Variants in CHIA observed in about 807,000 individuals in gnomAD.
The protein encoded by CHIA is acidic mammalian chitinase.
CHIA carries 47 observed loss-of-function variants against 53.5 expected under a neutral mutation model. That is an observed-to-expected ratio of 0.88 (90% CI 0.70 to 1.12). CHIA has a LOEUF of 1.12. CHIA is among the 50% of genes most tolerant of loss of function. CHIA has a pLI of 0.00. For synonymous variants in CHIA, 268 were observed against 222.2 expected, an observed-to-expected ratio of 1.21 and a Z score of -1.83; for missense variants, 652 against 592.2, an observed-to-expected ratio of 1.10 and a Z score of -1.05.
intron 1 of CHIA, among the ~76,000 whole-genome samples, chr1:111,309,520 G>A (rs1648493024): frequency 6.6e-6 from 1 of 152,238 alleles, no homozygotes; most frequent in Non-Finnish European, 1.5e-5. Context: ...GAACTGCTAA[G>A]ATTGGGATAG....
intron 1 of CHIA, among the ~76,000 whole-genome samples, chr1:111,294,645 CTT>C (rs1403516994): frequency 6.6e-6 from 1 of 152,130 alleles, no homozygotes; most frequent in Non-Finnish European, 1.5e-5. Flanking sequence ...AGCTTTCAGT[CTT>C]TCACCATTGA....
intron 3 of CHIA, among the ~76,000 whole-genome samples, 177 bp downstream of exon 3, chr1:111,311,895 G>A (rs1410847830): frequency 1.3e-5 from 2 of 151,968 alleles, no homozygotes; most frequent in African/African-American, 4.8e-5. Context: ...ATTATAAACT[G>A]GTACTCACTG....
At chr1:111,317,386 T>C (rs1427307720) in intron 6 of CHIA, 1 of 303,412 alleles carries the variant, frequency 3.3e-6, no homozygotes, top group Non-Finnish European at 6.4e-6. Context: ...AGTATAGAGA[T>C]ACAATGGAGC....
At chr1:111,295,690 T>A (rs145107941) in intron 1 of CHIA, among the ~76,000 whole-genome samples, 1 of 150,954 alleles carries the variant, frequency 6.6e-6, no homozygotes, top group African/African-American at 2.4e-5. Context: ...GGTACCGGGT[T>A]CATCTCATTG....
Position 111,312,272 on chromosome 1 carries a change from C to T in CHIA, c.138C>T (p.Ile46=), listed in dbSNP as rs762447155. 9.9e-6 allele frequency: 16 copies of T among 1,613,978 alleles called. No individual in the cohort carries two copies. The highest frequency in any genetic ancestry group is 3.3e-5 in the South Asian group (3 of 91,070). The stretch of plus-strand genomic sequence containing the variant: ...TGGGGCGCTTCATGCCTGACAACAT[C>T]GACCCCTGCCTCTGTACCCACCTGA... ...PGLGRFMPDN[I]DPCLCTHLIY... The change falls in exon 4 of 12, where the codon ATC becomes ATT. Residue 46 remains isoleucine, a synonymous_variant. Transcript: ENST00000369740.
intron 1 of CHIA, among the ~76,000 whole-genome samples, chr1:111,299,309 C>A (rs2101611009): frequency 6.6e-6 from 1 of 152,308 alleles, no homozygotes; most frequent in African/African-American, 2.4e-5. Context: ...AGACCAATAT[C>A]CCTGATGACC....
chr1:111,295,707 G>T (rs1571260937), intron 1 of CHIA, among the ~76,000 whole-genome samples: 2 of 151,984 alleles, frequency 1.3e-5, no homozygotes, highest in African/African-American at 2.4e-5. Flanking sequence ...ATTGGGACTG[G>T]TTGGACAGTG....
At chr1:111,308,539 T>A (rs1173147125) in intron 1 of CHIA, among the ~76,000 whole-genome samples, 3 of 152,206 alleles carry the variant, frequency 2.0e-5, no homozygotes, top group African/African-American at 7.2e-5. Context: ...TCAAGCCCTC[T>A]GATGATAGTC....
chr1:111,296,596 T>TA (rs1661352969), intron 1 of CHIA, among the ~76,000 whole-genome samples: 1 of 152,130 alleles, frequency 6.6e-6, no homozygotes, highest in Non-Finnish European at 1.5e-5. Context: ...CAAAGGTAGA[T>TA]AAAACCACAA....
rs541592503 is a variant in CHIA, at chr1:111,307,064, G to A, written c.-68-3336G>A. 7.2e-4 allele frequency among the ~76,000 whole-genome samples: 110 copies of A among 152,296 alleles called. 1 individual carries two copies. Among genetic ancestry groups the A allele is most frequent in the African/African-American group, 2.5e-3 (105 of 41,574 alleles). On this transcript the variant is annotated intron_variant, in intron 1 of 11. Coordinates refer to ENST00000369740, the MANE Select transcript of CHIA (RefSeq NM_201653.4). ...CTAGCTAAATAGTAAATTTTAATATGCATGTGTTATTTCACTGGGCAATTC... is the reference window on the plus strand; with the variant it reads ...CTAGCTAAATAGTAAATTTTAATATACATGTGTTATTTCACTGGGCAATTC...
At chr1:111,313,707 A>C (rs1304664815) in intron 4 of CHIA, among the ~76,000 whole-genome samples, 1 of 152,140 alleles carries the variant, frequency 6.6e-6, no homozygotes. Context: ...TCATATCCAA[A>C]AAATTCTTGC....
Position 111,310,418 on chromosome 1 carries a change from C to T in CHIA, c.-50C>T, listed in dbSNP as rs773109973. 2 of 1,607,842 alleles carry T rather than the reference C, an allele frequency of 1.2e-6. No homozygotes were observed. The highest frequency in any genetic ancestry group is 1.7e-6 in the Non-Finnish European group (2 of 1,177,924). On this transcript the variant is annotated 5_prime_UTR_variant, in exon 2 of 12. Transcript: ENST00000369740. ...TATTTAGAAGCCTTTGTGATAACCA[C>T]AGAATCAGAACATATAAAAAGCTCT...
At position 111,318,559 on chromosome 1, in the gene CHIA, A is replaced by G. The variant is rs961343310; in HGVS notation, c.796A>G (p.Thr266Ala). 6.2e-7 allele frequency: 1 copy of G among 1,614,078 alleles called. No homozygotes were observed. Among genetic ancestry groups the G allele is most frequent in the African/African-American group, 1.3e-5 (1 of 74,936 alleles). ...PAEKLIVGFP[T>A]YGHNFILSNP... ...TGAGAAGCTCATCGTTGGATTCCCT[A>G]CCTATGGACACAACTTCATCCTGAG... The change falls in exon 9 of 12, where the codon ACC (threonine) becomes GCC (alanine). Residue 266 changes from threonine (T) to alanine (A), a missense_variant. Transcript: ENST00000369740.
At chr1:111,291,861 G>A (rs1167270683) in intron 1 of CHIA, among the ~76,000 whole-genome samples, 1 of 151,752 alleles carries the variant, frequency 6.6e-6, no homozygotes, top group Non-Finnish European at 1.5e-5. Flanking sequence ...AAAGCATCAG[G>A]ATAAAGAGCT....
chr1:111,319,160 A>ATACCCCTCAGGAAG lies in CHIA; in HGVS notation c.957_958insACCCCTCAGGAAGT (p.Ala320ThrfsTer65), dbSNP rs1553184055. 2.2e-4 allele frequency: 362 copies of ATACCCCTCAGGAAG among 1,614,126 alleles called. 5 individuals are homozygous for ATACCCCTCAGGAAG. The African/African-American group carries it at 4.3e-3, about 19-fold the overall frequency. ...AAAAATGGAGCCACTCAGGGATGGGATGCCCCTCAGGAAGTGCCTTATGCC... is the reference window on the plus strand; with the variant it reads ...AAAAATGGAGCCACTCAGGGATGGGATACCCCTCAGGAAGTGCCCCTCAGGAAGTGCCTTATGCC... On this transcript the variant is annotated frameshift_variant, in exon 10 of 12. Transcript: ENST00000369740. LOFTEE classifies it high-confidence loss of function.
chr1:111,314,914 A>C, intron 5 of CHIA: 1 of 382,456 alleles, frequency 2.6e-6, no homozygotes, highest in Non-Finnish European at 4.7e-6. Context: ...CCCTCTATTT[A>C]TCTTCTGGTG....
At position 111,318,613 on chromosome 1, in the gene CHIA, C is replaced by A. The variant is rs563717656; in HGVS notation, c.850C>A (p.Pro284Thr). The change falls in exon 9 of 12, where the codon CCC becomes ACC. Residue 284 changes from proline to threonine, a missense_variant. Pro to Thr is a conservative substitution (Grantham distance 38). Coordinates refer to ENST00000369740, the MANE Select transcript of CHIA (RefSeq NM_201653.4). ...SNPSNTGIGA[P>T]TSGAGPAGPY... ...CCCCTCCAACACTGGAATTGGTGCC[C>A]CCACCTCTGGTGCTGGTCCTGCTGG... is the stretch of plus-strand genomic sequence containing the variant. 1 of 1,614,058 alleles carries A rather than the reference C, an allele frequency of 6.2e-7. No homozygotes were observed. The highest frequency in any genetic ancestry group is 1.3e-5 in the African/African-American group (1 of 74,936).
chr1:111,310,265 T>A, intron 1 of CHIA, 135 bp from the exon 2 acceptor site: 6 of 1,033,366 alleles, frequency 5.8e-6, no homozygotes, highest in Non-Finnish European at 8.1e-6. Flanking sequence ...CTGTCCTTGT[T>A]GGGCAGAGAA....
Position 111,319,214 on chromosome 1 carries a change from A to G in CHIA, c.1010A>G (p.Asp337Gly). 6.2e-7 allele frequency: 1 copy of G among 1,614,234 alleles called. No individual in the cohort carries two copies. The highest frequency in any genetic ancestry group is 1.1e-5 in the South Asian group (1 of 91,090). ...CAGGGCAATGTGTGGGTTGGCTATG[A>G]CAACATCAAGAGCTTCGATATTAAG... Reference protein sequence around the residue: ...AYQGNVWVGYDNIKSFDIKAQ... With the variant: ...AYQGNVWVGYGNIKSFDIKAQ... The change falls in exon 10 of 12, where the codon GAC (aspartate) becomes GGC (glycine). Residue 337 changes from aspartate to glycine, a missense_variant. Asp to Gly is a moderately conservative substitution (Grantham distance 94). Coordinates refer to ENST00000369740, the MANE Select transcript of CHIA (RefSeq NM_201653.4).
Sources: gnomAD v4.1 joint callset for allele counts (sites outside exome capture counted in the v4.1 genomes callset) on GRCh38, gnomAD v4.1.1 for gene constraint, MANE v1.5 for transcripts, NCBI Gene and HGNC (gene_info 2026-07-23, HGNC 2026-07-21) for gene names.